Variants in DIAPH2 observed in about 807,000 individuals in gnomAD.
The protein encoded by DIAPH2 is protein diaphanous homolog 2.
In DIAPH2, 35 loss-of-function variants were observed where a neutral mutation model predicts 92.7. That is an observed-to-expected ratio of 0.38 (90% CI 0.29 to 0.50). The LOEUF (loss-of-function observed/expected upper bound fraction) is 0.50, where lower values mean the gene tolerates loss of function less well. DIAPH2 is among the 20% of genes least tolerant of loss of function. The pLI is 0.94. For missense variants in DIAPH2, 701 were observed against 819.5 expected (o/e 0.86, Z 1.77); for synonymous variants, 301 against 280.4 (o/e 1.07, Z -0.73).
chrX:96,861,366 A>G lies in DIAPH2; in HGVS notation c.448-20213A>G, dbSNP rs760467306. On this transcript the variant is annotated intron_variant, in intron 4 of 26. Coordinates refer to ENST00000324765, the MANE Select transcript of DIAPH2 (RefSeq NM_006729.5). ...GACATTGCCGTACTTCCAGATGTCTAAACTAGAAACTTGTGTTTCATACTT... is the reference window on the plus strand; with the variant it reads ...GACATTGCCGTACTTCCAGATGTCTGAACTAGAAACTTGTGTTTCATACTT... Among the ~76,000 whole-genome samples, 4 of 112,061 alleles carry G rather than the reference A, an allele frequency of 3.6e-5. No homozygotes were observed. In the East Asian group the frequency reaches 1.1e-3, roughly 32 times the overall value.
chrX:97,178,300 G>T (rs2067509453), intron 22 of DIAPH2, among the ~76,000 whole-genome samples: 1 of 110,117 alleles, frequency 9.1e-6, no homozygotes, highest in Non-Finnish European at 1.9e-5. Context: ...ATAGAAAACG[G>T]TATTAGCGTT....
chrX:97,401,355 G>A (rs779066850), intron 25 of DIAPH2, among the ~76,000 whole-genome samples: 2 of 110,620 alleles, frequency 1.8e-5, no homozygotes, highest in African/African-American at 6.6e-5. Flanking sequence ...TTCTGATTTA[G>A]GGCCTTGCAT....
chrX:96,825,287 A>G (rs920309402), intron 4 of DIAPH2, among the ~76,000 whole-genome samples: 1 of 109,191 alleles, frequency 9.2e-6, no homozygotes, highest in African/African-American at 3.3e-5. Flanking sequence ...TTCCTTAATC[A>G]GATAAAAATT....
intron 22 of DIAPH2, among the ~76,000 whole-genome samples, chrX:97,187,467 G>T (rs1311068037): frequency 9.3e-6 from 1 of 107,308 alleles, no homozygotes; most frequent in Non-Finnish European, 1.9e-5. Context: ...GTAGAGACAA[G>T]GTTTCACCAT....
intron 4 of DIAPH2, among the ~76,000 whole-genome samples, chrX:96,811,739 G>T (rs1405535139): frequency 8.9e-6 from 1 of 111,754 alleles, no homozygotes; most frequent in African/African-American, 3.3e-5. Flanking sequence ...AAGGGCTGTT[G>T]AATTTTGTCA....
At chrX:96,723,879 C>T (rs1383102476) in intron 1 of DIAPH2, among the ~76,000 whole-genome samples, 1 of 108,883 alleles carries the variant, frequency 9.2e-6, no homozygotes, top group Non-Finnish European at 1.9e-5. Flanking sequence ...TAATGTGGGG[C>T]CAGAACTTAT....
intron 1 of DIAPH2, among the ~76,000 whole-genome samples, chrX:96,705,894 G>A (rs1453924679): frequency 2.7e-5 from 3 of 111,972 alleles, no homozygotes; most frequent in Non-Finnish European, 5.6e-5. Context: ...GCATTAATAA[G>A]CTGCCTGCAT....
chrX:96,807,057 C>G (rs2064633923), intron 4 of DIAPH2, among the ~76,000 whole-genome samples: 1 of 112,161 alleles, frequency 8.9e-6, no homozygotes, highest in East Asian at 2.8e-4. Flanking sequence ...TTCTGTTAAA[C>G]TGGACATGCC....
intron 4 of DIAPH2, among the ~76,000 whole-genome samples, chrX:96,806,464 T>C (rs1255688307): frequency 9.3e-6 from 1 of 107,713 alleles, no homozygotes. Flanking sequence ...CTGACTAACA[T>C]GGAGAAACCC....
intron 26 of DIAPH2, among the ~76,000 whole-genome samples, chrX:97,539,732 A>G (rs2071125369): frequency 8.9e-6 from 1 of 111,916 alleles, no homozygotes; most frequent in Non-Finnish European, 1.9e-5. Flanking sequence ...TGAATCTGAA[A>G]TCAGTAAACT....
At chrX:97,064,901 G>A (rs184070023) in intron 17 of DIAPH2, among the ~76,000 whole-genome samples, 8 of 110,983 alleles carry the variant, frequency 7.2e-5, no homozygotes, top group African/African-American at 2.3e-4. Context: ...ATATTTCAGG[G>A]TGTTACTTTG....
chrX:97,160,963 ATTC>A (rs1309879231), intron 22 of DIAPH2, among the ~76,000 whole-genome samples: 3 of 110,704 alleles, frequency 2.7e-5, no homozygotes, highest in Admixed American at 9.6e-5. Flanking sequence ...TTTCCTTTGA[ATTC>A]TTCTTATTTT....
chrX:97,583,657 G>A (rs1441054744), intron 26 of DIAPH2, among the ~76,000 whole-genome samples: 3 of 112,104 alleles, frequency 2.7e-5, no homozygotes. Context: ...CAGAGGTGGA[G>A]CCTACAGAGG....
At chrX:97,542,725 C>A (rs2071149525) in intron 26 of DIAPH2, among the ~76,000 whole-genome samples, 1 of 111,341 alleles carries the variant, frequency 9.0e-6, no homozygotes, top group African/African-American at 3.3e-5. Context: ...ACTTCCCTGA[C>A]AGAATTGTGG....
At chrX:97,203,468 A>G in intron 22 of DIAPH2, among the ~76,000 whole-genome samples, 1 of 111,824 alleles carries the variant, frequency 8.9e-6, no homozygotes, top group East Asian at 2.8e-4. Flanking sequence ...AAATAGACAC[A>G]ATAAAAAAAG....
chrX:97,128,208 A>G (rs1006727076), intron 21 of DIAPH2, among the ~76,000 whole-genome samples: 4 of 111,787 alleles, frequency 3.6e-5, no homozygotes, highest in African/African-American at 1.3e-4. Context: ...ATGCTGAACA[A>G]GGGGTGGATT....
At chrX:97,023,559 T>G (rs1304592727) in intron 17 of DIAPH2, among the ~76,000 whole-genome samples, 5 of 111,562 alleles carry the variant, frequency 4.5e-5, no homozygotes, top group Non-Finnish European at 9.4e-5. Flanking sequence ...AGAGCTAGAG[T>G]TCATACCCAC....
intron 18 of DIAPH2, among the ~76,000 whole-genome samples, chrX:97,074,364 C>G (rs142052630): frequency 0.04 from 4,409 of 111,237 alleles, 87 homozygotes; most frequent in Middle Eastern, 0.065. Flanking sequence ...CGAGATCGCA[C>G]CATTGCACTA....
intron 17 of DIAPH2, among the ~76,000 whole-genome samples, chrX:97,032,636 TC>T (rs773195987): frequency 9.0e-6 from 1 of 110,878 alleles, no homozygotes; most frequent in Non-Finnish European, 1.9e-5. Context: ...TCTTTTTACA[TC>T]TATTACTGCT....
Sources: gnomAD v4.1 joint callset for allele counts (sites outside exome capture counted in the v4.1 genomes callset) on GRCh38, gnomAD v4.1.1 for gene constraint, MANE v1.5 for transcripts, NCBI Gene and HGNC (gene_info 2026-07-23, HGNC 2026-07-21) for gene names.